The following LRRFIP1 variants were observed in gnomAD, a reference collection of about 807,000 sequenced individuals.
The protein encoded by LRRFIP1 is leucine-rich repeat flightless-interacting protein 1.
LRRFIP1 carries 62 observed loss-of-function variants against 104.4 expected under a neutral mutation model. The ratio of observed to expected loss-of-function variants is 0.59; its 90% CI spans 0.48 to 0.73. The LOEUF (loss-of-function observed/expected upper bound fraction) is 0.73, where lower values mean the gene tolerates loss of function less well. Among genes scored for constraint, LRRFIP1 ranks in the 30% least tolerant of loss-of-function variants. The pLI is 0.00. For missense variants in LRRFIP1, 796 were observed against 824.5 expected (o/e 0.97, Z 0.42); for synonymous variants, 300 against 299.0 (o/e 1.00, Z -0.03).
intron 13 of LRRFIP1, among the ~76,000 whole-genome samples, chr2:237,750,149 A>T (rs749902601): frequency 1.3e-5 from 2 of 152,106 alleles, no homozygotes; most frequent in African/African-American, 2.4e-5. Context: ...GGGAGGACGG[A>T]GAGGGATTTA....
intron 1 of LRRFIP1, among the ~76,000 whole-genome samples, chr2:237,633,941 G>C (rs2082738790): frequency 6.6e-6 from 1 of 152,310 alleles, no homozygotes; most frequent in Middle Eastern, 3.4e-3. Context: ...TCAGGAGAGA[G>C]AGTCCCATAT....
intron 1 of LRRFIP1, among the ~76,000 whole-genome samples, chr2:237,634,236 A>T (rs1575020091): frequency 6.6e-6 from 1 of 152,164 alleles, no homozygotes; most frequent in East Asian, 1.9e-4. Flanking sequence ...TAACATACAT[A>T]TGTATTACAC....
chr2:237,664,701 T>C (rs529713255), intron 1 of LRRFIP1, among the ~76,000 whole-genome samples: 1 of 152,364 alleles, frequency 6.6e-6, no homozygotes, highest in Non-Finnish European at 1.5e-5. Flanking sequence ...GGCTGCATAG[T>C]GTTCTCTTCC....
chr2:237,761,456 C>A (rs2059863006), intron 19 of LRRFIP1, among the ~76,000 whole-genome samples: 1 of 152,210 alleles, frequency 6.6e-6, no homozygotes, highest in Non-Finnish European at 1.5e-5. Flanking sequence ...AGCTAGGAAT[C>A]TGATTACGCT....
chr2:237,660,034 T>C (rs945677734), intron 1 of LRRFIP1, among the ~76,000 whole-genome samples: 5 of 152,186 alleles, frequency 3.3e-5, no homozygotes, highest in Non-Finnish European at 7.3e-5. Flanking sequence ...TACATAGACA[T>C]TAAAATATTT....
chr2:237,633,403 C>T lies in LRRFIP1; in HGVS notation c.96+5663C>T, dbSNP rs147358019. On this transcript the variant is annotated intron_variant, in intron 1 of 23. Transcript: ENST00000308482. ...TGTGGACAGGCCTGCTGGTCCCCAA[C>T]GGCCCTGGGCCCCACCCCACAGCTA... 6.8e-4 allele frequency among the ~76,000 whole-genome samples: 103 copies of T among 152,326 alleles called. 1 individual carries two copies. The East Asian group carries it at 0.013, about 19-fold the overall frequency.
At chr2:237,726,142 C>T (rs924553938) in intron 7 of LRRFIP1, among the ~76,000 whole-genome samples, 8 of 152,144 alleles carry the variant, frequency 5.3e-5, no homozygotes, top group African/African-American at 1.9e-4. Context: ...TCTTGCCAAT[C>T]TCCAAAGATT....
chr2:237,772,823 A>C (rs2060767541), intron 21 of LRRFIP1, 43 bp from the exon 22 acceptor site: 3 of 1,287,526 alleles, frequency 2.3e-6, no homozygotes, highest in Non-Finnish European at 3.4e-6. Context: ...ATATTTGAAA[A>C]GCCCAAGAGC....
intron 4 of LRRFIP1, among the ~76,000 whole-genome samples, chr2:237,718,511 G>C (rs1342279585): frequency 6.6e-6 from 1 of 152,172 alleles, no homozygotes; most frequent in Admixed American, 6.5e-5. Context: ...GGAGGCTGCG[G>C]AAGGGGCACA....
chr2:237,665,292 T>C (rs964061184), intron 1 of LRRFIP1, among the ~76,000 whole-genome samples: 11 of 151,728 alleles, frequency 7.2e-5, no homozygotes, highest in Non-Finnish European at 1.5e-4. Flanking sequence ...ATTCTCAAGA[T>C]GTTTTTGTAT....
intron 6 of LRRFIP1, 127 bp from the exon 7 acceptor site, chr2:237,723,421 A>C: frequency 1.1e-6 from 1 of 901,054 alleles, no homozygotes; most frequent in South Asian, 1.5e-5. Context: ...CCTAGAAATT[A>C]TGGAAAAATG....
At chr2:237,632,017 C>G (rs1282637647) in intron 1 of LRRFIP1, among the ~76,000 whole-genome samples, 1 of 152,254 alleles carries the variant, frequency 6.6e-6, no homozygotes, top group Non-Finnish European at 1.5e-5. Context: ...GCTGCTTCAC[C>G]GGCCCCAAGT....
At chr2:237,755,197 C>A (rs1308527957) in intron 15 of LRRFIP1, among the ~76,000 whole-genome samples, 1 of 152,184 alleles carries the variant, frequency 6.6e-6, no homozygotes, top group Non-Finnish European at 1.5e-5. Context: ...AGCCGAGCTG[C>A]CAGCTTCCTG....
chr2:237,772,826 C>A, intron 21 of LRRFIP1, 40 bp from the exon 22 acceptor site: 1 of 1,332,316 alleles, frequency 7.5e-7, no homozygotes, highest in Non-Finnish European at 1.1e-6. Flanking sequence ...TTTGAAAAGC[C>A]CAAGAGCTTA....
intron 2 of LRRFIP1, 25 bp from the exon 3 acceptor site, chr2:237,714,233 CT>C (rs2094232505): frequency 6.4e-7 from 1 of 1,554,958 alleles, no homozygotes; most frequent in Non-Finnish European, 8.8e-7. Flanking sequence ...TTTTACATTT[CT>C]TTTTTCTTCT....
chr2:237,727,472 G>A (rs905670516), intron 7 of LRRFIP1, among the ~76,000 whole-genome samples: 3 of 152,104 alleles, frequency 2.0e-5, no homozygotes, highest in Non-Finnish European at 2.9e-5. Flanking sequence ...CATTGACTCA[G>A]GCTGAATCAC....
At chr2:237,692,184 C>T in intron 1 of LRRFIP1, 1 of 1,037,492 alleles carries the variant, frequency 9.6e-7, no homozygotes, top group Non-Finnish European at 1.2e-6. Context: ...GGCGGAGGCG[C>T]CCGAGTCCCG....
At chr2:237,629,827 G>A (rs559327983) in intron 1 of LRRFIP1, among the ~76,000 whole-genome samples, 3 of 152,228 alleles carry the variant, frequency 2.0e-5, no homozygotes, top group South Asian at 4.2e-4. Context: ...ACACTCCTTG[G>A]GTTGAGAGCC....
chr2:237,736,897 C>T (rs913469760), intron 10 of LRRFIP1, among the ~76,000 whole-genome samples: 5 of 152,198 alleles, frequency 3.3e-5, no homozygotes, highest in East Asian at 3.8e-4. Flanking sequence ...GTGGATACTC[C>T]GTTCCTTATG....
Sources: gnomAD v4.1 joint callset for allele counts (sites outside exome capture counted in the v4.1 genomes callset) on GRCh38, gnomAD v4.1.1 for gene constraint, MANE v1.5 for transcripts, NCBI Gene and HGNC (gene_info 2026-07-23, HGNC 2026-07-21) for gene names.